The following NRXN1 variants were observed in gnomAD, a reference collection of about 807,000 sequenced individuals.
The protein encoded by NRXN1 is neurexin-1.
A neutral mutation model predicts 150.9 loss-of-function variants in NRXN1; 39 were observed. The observed-to-expected ratio is 0.26, with a 90% CI of 0.20 to 0.34. NRXN1 has a LOEUF of 0.34. NRXN1 is among the 10% of genes least tolerant of loss of function. The pLI, the probability that NRXN1 is intolerant of heterozygous loss-of-function variation, is 1.00. For synonymous variants in NRXN1, 924 were observed against 757.0 expected (o/e 1.22, Z -3.62); for missense variants, 1,815 against 1,949.9 (o/e 0.93, Z 1.30).
At chr2:49,932,940 T>C (rs1164644955) in intron 22 of NRXN1, among the ~76,000 whole-genome samples, 1 of 152,230 alleles carries the variant, frequency 6.6e-6, no homozygotes, top group Non-Finnish European at 1.5e-5. Flanking sequence ...AACTCAGGTC[T>C]GTCTATGGCT....
At chr2:50,032,595 C>T (rs1252105324) in intron 21 of NRXN1, among the ~76,000 whole-genome samples, 1 of 151,918 alleles carries the variant, frequency 6.6e-6, no homozygotes, top group African/African-American at 2.4e-5. Context: ...ACTGTGTTCC[C>T]GGAAAATTCA....
At chr2:50,390,316 T>C (rs868410076) in intron 17 of NRXN1, among the ~76,000 whole-genome samples, 1 of 152,138 alleles carries the variant, frequency 6.6e-6, no homozygotes, top group African/African-American at 2.4e-5. Flanking sequence ...TTTAATTCCA[T>C]GAATCAAAAG....
At chr2:50,456,854 T>C (rs991019670) in intron 17 of NRXN1, among the ~76,000 whole-genome samples, 2 of 152,102 alleles carry the variant, frequency 1.3e-5, no homozygotes, top group Non-Finnish European at 2.9e-5. Flanking sequence ...TTAGTCTTTT[T>C]TTCTTTCTGC....
chr2:50,990,560 C>T (rs900018025), intron 2 of NRXN1, among the ~76,000 whole-genome samples: 3 of 151,942 alleles, frequency 2.0e-5, no homozygotes, highest in African/African-American at 7.2e-5. Flanking sequence ...CAGAGGGGAA[C>T]CTTAGTGACA....
At chr2:50,710,056 T>C (rs548467036) in intron 5 of NRXN1, among the ~76,000 whole-genome samples, 3 of 152,278 alleles carry the variant, frequency 2.0e-5, no homozygotes, top group East Asian at 3.9e-4. Flanking sequence ...ACATGTGCAA[T>C]GAATAAACAA....
At chr2:50,293,434 C>T (rs1045384054) in intron 17 of NRXN1, among the ~76,000 whole-genome samples, 1 of 152,144 alleles carries the variant, frequency 6.6e-6, no homozygotes, top group African/African-American at 2.4e-5. Context: ...ATAGACTACA[C>T]GGATGCATAT....
intron 17 of NRXN1, among the ~76,000 whole-genome samples, chr2:50,308,161 A>G (rs1332875901): frequency 6.6e-6 from 1 of 152,136 alleles, no homozygotes; most frequent in Non-Finnish European, 1.5e-5. Context: ...AGTGTACAAT[A>G]TAATATCATT....
At chr2:50,076,881 C>T (rs1261149752) in intron 19 of NRXN1, among the ~76,000 whole-genome samples, 1 of 152,200 alleles carries the variant, frequency 6.6e-6, no homozygotes, top group Non-Finnish European at 1.5e-5. Context: ...AGTGGTATCA[C>T]AACCTTAGCA....
At chr2:50,041,513 C>T (rs1690958623) in intron 21 of NRXN1, among the ~76,000 whole-genome samples, 2 of 152,152 alleles carry the variant, frequency 1.3e-5, no homozygotes, top group African/African-American at 2.4e-5. Flanking sequence ...CTCCCCCTAA[C>T]TGGCTGAAGA....
At chr2:50,273,768 T>C (rs1057365368) in intron 17 of NRXN1, among the ~76,000 whole-genome samples, 4 of 152,002 alleles carry the variant, frequency 2.6e-5, no homozygotes, top group East Asian at 1.9e-4. Context: ...AAAAAACATA[T>C]GAAAAAAAGC....
chr2:50,580,475 G>A (rs1260442162), intron 8 of NRXN1, among the ~76,000 whole-genome samples: 2 of 152,142 alleles, frequency 1.3e-5, no homozygotes, highest in Non-Finnish European at 2.9e-5. Flanking sequence ...GTTGTTACTT[G>A]ATTAACATAG....
intron 5 of NRXN1, among the ~76,000 whole-genome samples, chr2:50,862,934 A>G (rs1676355130): frequency 6.6e-6 from 1 of 152,054 alleles, no homozygotes; most frequent in African/African-American, 2.4e-5. Context: ...TGCCTACGTG[A>G]AAAGAGCCTT....
rs201202133 is a variant in NRXN1 at position 50,347,546 on chromosome 2, A to G, written c.3365-110576T>C. 6.6e-5 allele frequency: 69 copies of G among 1,042,640 alleles called. No homozygotes were observed. The highest frequency in any genetic ancestry group is 9.2e-4 in the Middle Eastern group (2 of 2,166). 64.6% of individuals were successfully genotyped at this position (1,042,640 alleles called of 1,614,324 possible). On this transcript the variant is annotated intron_variant, in intron 17 of 22. Coordinates refer to ENST00000401669, the MANE Select transcript of NRXN1 (RefSeq NM_001330078.2). The surrounding 1 kb of genome is among the most constrained non-coding windows in gnomAD (Gnocchi z 4.9). Reference sequence around the variant, plus strand: ...CCGCTAGCGCCAGCCTCCCCCGGGCAGCGCGCGGAGCAGCGGCGCGCATCG... The same window carrying G: ...CCGCTAGCGCCAGCCTCCCCCGGGCGGCGCGCGGAGCAGCGGCGCGCATCG...
At chr2:51,018,642 C>A (rs1365069558) in intron 2 of NRXN1, among the ~76,000 whole-genome samples, 1 of 152,046 alleles carries the variant, frequency 6.6e-6, no homozygotes, top group African/African-American at 2.4e-5. Flanking sequence ...AGATTTTCAG[C>A]AGAACCATAC....
intron 5 of NRXN1, among the ~76,000 whole-genome samples, chr2:50,718,791 G>A (rs545643742): frequency 1.3e-5 from 2 of 152,124 alleles, no homozygotes; most frequent in South Asian, 4.1e-4. Flanking sequence ...AAATAGCACA[G>A]TAACTCAACA....
At chr2:50,170,942 G>A (rs554529992) in intron 18 of NRXN1, among the ~76,000 whole-genome samples, 41 of 152,148 alleles carry the variant, frequency 2.7e-4, no homozygotes, top group African/African-American at 9.6e-4. Context: ...ATAACAATAA[G>A]CAGTTGATAA....
At chr2:50,452,308 G>C (rs977811949) in intron 17 of NRXN1, among the ~76,000 whole-genome samples, 1 of 152,134 alleles carries the variant, frequency 6.6e-6, no homozygotes, top group African/African-American at 2.4e-5. Flanking sequence ...CTGCATCCTA[G>C]AAGAGCCTTA....
At chr2:50,568,545 C>T (rs1670200161) in intron 8 of NRXN1, among the ~76,000 whole-genome samples, 1 of 152,148 alleles carries the variant, frequency 6.6e-6, no homozygotes, top group African/African-American at 2.4e-5. Context: ...ACAAGCTGCT[C>T]AACATCACTG....
intron 18 of NRXN1, among the ~76,000 whole-genome samples, chr2:50,111,201 A>C (rs555915835): frequency 6.6e-6 from 1 of 152,344 alleles, no homozygotes; most frequent in African/African-American, 2.4e-5. Flanking sequence ...AGAATTGGGA[A>C]GTGATCTTAG....
Sources: allele counts gnomAD v4.1 joint callset (sites outside exome capture counted in the v4.1 genomes callset), GRCh38; gene constraint gnomAD v4.1.1; non-coding constraint Gnocchi (gnomAD v3.1); transcripts MANE v1.5; gene names NCBI Gene and HGNC (gene_info 2026-07-23, HGNC 2026-07-21).